PRKG2: variants seen among roughly 807,000 people sequenced by gnomAD.
PRKG2 encodes cGMP-dependent protein kinase 2.
PRKG2 carries 33 observed loss-of-function variants against 97.2 expected under a neutral mutation model. The ratio of observed to expected loss-of-function variants is 0.34; its 90% CI spans 0.26 to 0.45. PRKG2 has a LOEUF of 0.45. Ranked by LOEUF, PRKG2 falls within the 20% of genes least tolerant of loss-of-function variation. The pLI, the probability that PRKG2 is intolerant of heterozygous loss-of-function variation, is 1.00. For synonymous variants in PRKG2, 330 were observed against 321.8 expected (o/e 1.03, Z -0.27); for missense variants, 638 against 900.0 (o/e 0.71, Z 3.73).
chr4:81,093,530 G>A (rs1741813223), intron 17 of PRKG2, among the ~76,000 whole-genome samples: 1 of 152,126 alleles, frequency 6.6e-6, no homozygotes, highest in South Asian at 2.1e-4. Context: ...CTCCATGAGG[G>A]CAGAGATTTT....
chr4:81,172,823 C>A (rs1750606735), intron 3 of PRKG2, among the ~76,000 whole-genome samples: 2 of 152,042 alleles, frequency 1.3e-5, no homozygotes, highest in South Asian at 2.1e-4. Flanking sequence ...ATCCGAGTAC[C>A]TATGTTGTGC....
chr4:81,204,805 C>G lies in PRKG2; in HGVS notation c.243G>C (p.Lys81Asn). Reference sequence around the variant, plus strand: ...CCTGCATATGCACCACATCCTGCAGCTTGTTCAGCTGGATGCACTTGTTCT... The same window carrying G: ...CCTGCATATGCACCACATCCTGCAGGTTGTTCAGCTGGATGCACTTGTTCT... ...ELQNKCIQLN[K>N]LQDVVHMQGG... The change falls in exon 2 of 19, where the codon AAG (lysine) becomes AAC (asparagine). Residue 81 changes from lysine (K) to asparagine (N), a missense_variant. Physicochemically the swap from Lys to Asn is moderately conservative, Grantham distance 94. Transcript: ENST00000264399. 6.2e-7 allele frequency: 1 copy of G among 1,614,164 alleles called. No individual in the cohort carries two copies. Among genetic ancestry groups the G allele is most frequent in the South Asian group, 1.1e-5 (1 of 91,080 alleles).
At chr4:81,091,910 C>A (rs960158215) in intron 18 of PRKG2, among the ~76,000 whole-genome samples, 3 of 152,114 alleles carry the variant, frequency 2.0e-5, no homozygotes, top group Non-Finnish European at 4.4e-5. Context: ...CAGTAAAATT[C>A]ACTTGGGATT....
At chr4:81,100,663 C>T (rs986512942) in intron 17 of PRKG2, among the ~76,000 whole-genome samples, 11 of 152,152 alleles carry the variant, frequency 7.2e-5, no homozygotes, top group African/African-American at 2.7e-4. Flanking sequence ...TGGGCAAGGA[C>T]TTCATGTCTA....
chr4:81,169,745 C>A lies in PRKG2; in HGVS notation c.766G>T (p.Ala256Ser). ...TTCTGGAATACCTCTCGATCTAGTG[C>A]CCATGTTTTAACATTGGTAATAGCT... ...VKAITNVKTW[A>S]LDREVFQNIM... Residue 256 changes from alanine (A) to serine (S), a missense_variant, in exon 5 of 19, where the codon GCA becomes TCA. Physicochemically the swap from Ala to Ser is moderately conservative, Grantham distance 99. Transcript: ENST00000264399. 1 of 1,607,682 alleles carries A rather than the reference C, an allele frequency of 6.2e-7. No homozygotes were observed. The highest frequency in any genetic ancestry group is 8.5e-7 in the Non-Finnish European group (1 of 1,176,674).
chr4:81,204,257 G>A (rs928120516), intron 2 of PRKG2, among the ~76,000 whole-genome samples: 1 of 149,046 alleles, frequency 6.7e-6, no homozygotes, highest in Non-Finnish European at 1.5e-5. Context: ...ACAATTCACT[G>A]TGATGTGTGT....
chr4:81,099,421 TAA>T (rs1742478109), intron 17 of PRKG2, among the ~76,000 whole-genome samples: 1 of 152,132 alleles, frequency 6.6e-6, no homozygotes, highest in South Asian at 2.1e-4. Flanking sequence ...CGCAAATCAA[TAA>T]ACATAATCCA....
chr4:81,195,373 CTT>C (rs1236139905), intron 2 of PRKG2, among the ~76,000 whole-genome samples: 1 of 151,918 alleles, frequency 6.6e-6, no homozygotes, highest in African/African-American at 2.4e-5. Context: ...AGTGTGTGAA[CTT>C]TTTTTTAATT....
intron 17 of PRKG2, among the ~76,000 whole-genome samples, chr4:81,094,374 G>A (rs115760833): frequency 0.027 from 4,073 of 151,636 alleles, 178 homozygotes; most frequent in African/African-American, 0.094. Context: ...TACTTTAGAA[G>A]GGACTAAGAA....
chr4:81,173,835 A>T (rs1750693603), intron 3 of PRKG2: 1 of 152,070 alleles, frequency 6.6e-6, no homozygotes. Flanking sequence ...CAGGAACTAC[A>T]ATGCCAATGA....
intron 14 of PRKG2, among the ~76,000 whole-genome samples, chr4:81,113,126 G>A (rs920560647): frequency 3.3e-5 from 5 of 152,180 alleles, no homozygotes; most frequent in African/African-American, 7.2e-5. Flanking sequence ...GAAGGCCAGC[G>A]TGGCTGGGCA....
intron 6 of PRKG2, among the ~76,000 whole-genome samples, chr4:81,160,217 T>C (rs554057325): frequency 1.3e-5 from 2 of 152,292 alleles, no homozygotes; most frequent in East Asian, 3.9e-4. Context: ...GAAATGAGTA[T>C]TACACACCTG....
chr4:81,151,660 T>C (rs1174859834), intron 8 of PRKG2, among the ~76,000 whole-genome samples: 1 of 152,120 alleles, frequency 6.6e-6, no homozygotes, highest in Non-Finnish European at 1.5e-5. Flanking sequence ...TATAAAGATC[T>C]GTATACAAGT....
chr4:81,101,151 A>G (rs1032295511), intron 17 of PRKG2, among the ~76,000 whole-genome samples: 1 of 151,872 alleles, frequency 6.6e-6, no homozygotes, highest in African/African-American at 2.4e-5. Flanking sequence ...TGTGGAAGTC[A>G]GTGTGGTGAT....
intron 12 of PRKG2, among the ~76,000 whole-genome samples, chr4:81,139,083 C>T (rs942632521): frequency 6.6e-6 from 1 of 152,162 alleles, no homozygotes; most frequent in Admixed American, 6.5e-5. Context: ...CATAAGATGG[C>T]TTACACCCCT....
intron 8 of PRKG2, among the ~76,000 whole-genome samples, chr4:81,149,666 C>T (rs973019789): frequency 6.6e-6 from 1 of 152,040 alleles, no homozygotes; most frequent in African/African-American, 2.4e-5. Flanking sequence ...TCTTTACAGA[C>T]CTTTACTTAT....
intron 6 of PRKG2, among the ~76,000 whole-genome samples, chr4:81,156,960 G>A (rs1258243170): frequency 1.3e-5 from 2 of 152,086 alleles, no homozygotes; most frequent in African/African-American, 4.8e-5. Flanking sequence ...AGCACTAAAT[G>A]CCCACAAGAG....
At chr4:81,202,096 C>T (rs1275130062) in intron 2 of PRKG2, among the ~76,000 whole-genome samples, 1 of 152,200 alleles carries the variant, frequency 6.6e-6, no homozygotes, top group African/African-American at 2.4e-5. Flanking sequence ...CTAATGTATA[C>T]TGTACATCAT....
At chr4:81,128,346 A>G (rs1179917957) in intron 14 of PRKG2, among the ~76,000 whole-genome samples, 1 of 152,218 alleles carries the variant, frequency 6.6e-6, no homozygotes, top group Admixed American at 6.5e-5. Context: ...CTGGCCTCAT[A>G]AAATGAGTTA....
Sources: allele counts gnomAD v4.1 joint callset (sites outside exome capture counted in the v4.1 genomes callset), GRCh38; gene constraint gnomAD v4.1.1; transcripts MANE v1.5; gene names NCBI Gene and HGNC (gene_info 2026-07-23, HGNC 2026-07-21).